ZBTB40: variants seen among roughly 807,000 people sequenced by gnomAD.
ZBTB40 encodes zinc finger and BTB domain containing 40.
ZBTB40 carries 60 observed loss-of-function variants against 117.5 expected under a neutral mutation model. The ratio of observed to expected loss-of-function variants is 0.51; its 90% CI spans 0.41 to 0.63. ZBTB40 has a LOEUF of 0.63. Ranked by LOEUF, ZBTB40 falls within the 30% of genes least tolerant of loss-of-function variation. The probability of loss-of-function intolerance (pLI) is 0.00; values close to 1 mark genes in which losing one functional copy is unlikely to be tolerated. For synonymous variants in ZBTB40, 525 were observed against 577.1 expected (o/e 0.91, Z 1.29); for missense variants, 1,287 against 1,498.5 (o/e 0.86, Z 2.33).
intron 1 of ZBTB40, among the ~76,000 whole-genome samples, chr1:22,489,406 C>T (rs1301457860): frequency 1.3e-5 from 2 of 152,156 alleles, no homozygotes; most frequent in African/African-American, 2.4e-5. Flanking sequence ...TGATGACCTC[C>T]GTCCCTTGTT....
At chr1:22,507,668 CAGG>C (rs1374406454) in intron 6 of ZBTB40, among the ~76,000 whole-genome samples, 2 of 152,342 alleles carry the variant, frequency 1.3e-5, no homozygotes, top group East Asian at 3.9e-4. Context: ...TCCTCTACCT[CAGG>C]CTTGACAAAC....
chr1:22,519,858 C>G (rs1214309540), intron 13 of ZBTB40: 1 of 648,450 alleles, frequency 1.5e-6, no homozygotes, highest in Admixed American at 2.3e-5. Context: ...TGGAGGAATC[C>G]CACCTCCTAG....
chr1:22,521,617 A>G lies in ZBTB40; in HGVS notation c.3170A>G (p.Asn1057Ser), dbSNP rs1255726089. 1 of 1,614,100 alleles carries G rather than the reference A, an allele frequency of 6.2e-7. No homozygotes were observed. The highest frequency in any genetic ancestry group is 1.1e-5 in the South Asian group (1 of 91,084). ...QCSSCDKTFP[N>S]TIEHKKHIKA... ...AGCTCCTGTGACAAAACCTTCCCCAACACCATTGAGCACAAGAAGCACATC... is the reference window on the plus strand; with the variant it reads ...AGCTCCTGTGACAAAACCTTCCCCAGCACCATTGAGCACAAGAAGCACATC... Residue 1057 changes from asparagine to serine, a missense_variant, in exon 15 of 18, where the codon AAC becomes AGC. Physicochemically the swap from Asn to Ser is conservative, Grantham distance 46. Around this residue, in one of 2 missense-constraint regions of ZBTB40, gnomAD observed 417 missense variants for 564.1 expected, o/e 0.74. Transcript: ENST00000375647.
At chr1:22,430,046 C>A (rs1461203595) in intron 1 of ZBTB40, among the ~76,000 whole-genome samples, 1 of 152,186 alleles carries the variant, frequency 6.6e-6, no homozygotes, top group East Asian at 1.9e-4. Context: ...TGATAAAGTT[C>A]TTTTATCTAA....
At chr1:22,519,670 G>T (rs1047187364) in intron 13 of ZBTB40, 1 of 322,938 alleles carries the variant, frequency 3.1e-6, no homozygotes, top group Non-Finnish European at 6.0e-6. Context: ...GATGCTCTGG[G>T]GAGTGTGCTG....
chr1:22,444,415 A>C (rs961156761), intron 1 of ZBTB40, among the ~76,000 whole-genome samples: 2 of 152,122 alleles, frequency 1.3e-5, no homozygotes, highest in Non-Finnish European at 2.9e-5. Context: ...ACTCCGTCTC[A>C]AAATAAAATA....
At chr1:22,493,238 G>C (rs1445285388) in intron 3 of ZBTB40, among the ~76,000 whole-genome samples, 1 of 152,096 alleles carries the variant, frequency 6.6e-6, no homozygotes, top group Non-Finnish European at 1.5e-5. Flanking sequence ...ATCATTATAG[G>C]CTTATGTTAT....
intron 12 of ZBTB40, among the ~76,000 whole-genome samples, chr1:22,514,906 A>G (rs1024847285): frequency 6.6e-6 from 1 of 152,218 alleles, no homozygotes; most frequent in Non-Finnish European, 1.5e-5. Context: ...TGTTTCAGAC[A>G]TGGGGTATTA....
At chr1:22,459,107 T>G (rs944575756) in intron 1 of ZBTB40, among the ~76,000 whole-genome samples, 1 of 152,236 alleles carries the variant, frequency 6.6e-6, no homozygotes, top group Non-Finnish European at 1.5e-5. Context: ...AAAGGATATA[T>G]CATGTCTGTG....
At chr1:22,517,543 A>G (rs1639405850) in intron 13 of ZBTB40, 79 bp downstream of exon 13, 1 of 1,531,622 alleles carries the variant, frequency 6.5e-7, no homozygotes. Flanking sequence ...CAGAGGTGTC[A>G]ATCCATCAGA....
Position 22,511,999 on chromosome 1 carries a change from G to A in ZBTB40, c.2326G>A (p.Asp776Asn). The change falls in exon 11 of 18, where the codon GAT becomes AAT. Residue 776 changes from aspartate (D) to asparagine (N), a missense_variant. Physicochemically the swap from Asp to Asn is conservative, Grantham distance 23. Transcript: ENST00000375647. Reference sequence around the variant, plus strand: ...GTGTAAGGAGTGCAGTGAGACCAAGGATTCAAAGAAAGAGCTGGACAAACA... The same window carrying A: ...GTGTAAGGAGTGCAGTGAGACCAAGAATTCAAAGAAAGAGCTGGACAAACA... ...VQCKECSETK[D>N]SKKELDKHQL... is the part of the protein sequence containing the mutation. 6.2e-7 allele frequency: 1 copy of A among 1,614,188 alleles called. No individual in the cohort carries two copies.
rs755373058 is a variant in ZBTB40, at chr1:22,520,054, A to G, written c.2834-7A>G. 1.2e-6 allele frequency: 2 copies of G among 1,613,798 alleles called. No individual in the cohort carries two copies. Among genetic ancestry groups the G allele is most frequent in the East Asian group, 2.2e-5 (1 of 44,876 alleles). On this transcript the variant is annotated splice_region_variant and splice_polypyrimidine_tract_variant and intron_variant, in intron 13 of 17. Transcript: ENST00000375647. ...CTCTTCCTCTCATGGATGTCCCGTG[A>G]AACTAGACATAGAAGATCCTTATGA...
intron 1 of ZBTB40, among the ~76,000 whole-genome samples, chr1:22,456,496 G>A (rs1318245364): frequency 3.9e-5 from 6 of 152,182 alleles, no homozygotes; most frequent in Non-Finnish European, 5.9e-5. Flanking sequence ...TTGTGTGAAT[G>A]TCATTTTTTC....
At chr1:22,489,813 G>A (rs1461721104) in intron 1 of ZBTB40, 67 bp from the exon 2 acceptor site, 20 of 805,932 alleles carry the variant, frequency 2.5e-5, no homozygotes, top group Admixed American at 3.9e-5. Context: ...TTCATTTAGC[G>A]TTTCATTCAA....
At chr1:22,449,056 C>T (rs557865173), upstream of ZBTB40, among the ~76,000 whole-genome samples, 4 of 152,134 alleles carry the variant, frequency 2.6e-5, no homozygotes, top group South Asian at 4.1e-4. Flanking sequence ...CCTCATGATC[C>T]GCCTGCCTCG....
intron 1 of ZBTB40, among the ~76,000 whole-genome samples, chr1:22,461,057 G>A (rs763061019): frequency 2.6e-5 from 4 of 152,114 alleles, no homozygotes; most frequent in Non-Finnish European, 5.9e-5. Context: ...GTATGATGTC[G>A]TGAACATAGT....
Position 22,490,548 on chromosome 1 carries a change from A to C in ZBTB40, c.600A>C (p.Ala200=). 1 of 1,613,144 alleles carries C rather than the reference A, an allele frequency of 6.2e-7. No homozygotes were observed. The highest frequency in any genetic ancestry group is 8.5e-7 in the Non-Finnish European group (1 of 1,179,538). Residue 200 remains alanine (A), a synonymous_variant, in exon 2 of 18, where the codon GCA becomes GCC. Coordinates refer to ENST00000375647, the MANE Select transcript of ZBTB40 (RefSeq NM_014870.4). ...CAGCCCAGGAGAGCCAGAGGAATGC[A>C]GAAACCCCAGCGGAGACTCCTACTA... ...SPTAQESQRN[A]ETPAETPTTA... is the part of the protein sequence containing the mutation.
chr1:22,526,160 G>A lies in ZBTB40; in HGVS notation c.3526-42G>A, dbSNP rs776598076. On this transcript the variant is annotated intron_variant, in intron 17 of 17. Transcript: ENST00000375647. Reference sequence around the variant, plus strand: ...AACCATGTAAATCAGGGAGCCAACTGTGAACACTGCCCAGAGCAGCCTCAC... The same window carrying A: ...AACCATGTAAATCAGGGAGCCAACTATGAACACTGCCCAGAGCAGCCTCAC... The A allele has an allele frequency of 1.9e-6, 3 of 1,610,652 alleles. No individual in the cohort carries two copies. In the African/African-American group the frequency reaches 4.0e-5, roughly 22 times the overall value.
intron 3 of ZBTB40, among the ~76,000 whole-genome samples, chr1:22,493,887 T>C (rs1638702699): frequency 2.0e-5 from 3 of 151,934 alleles, no homozygotes; most frequent in Admixed American, 2.0e-4. Flanking sequence ...TGCTGAGTTG[T>C]ATGCATTGTG....
Sources: gnomAD v4.1 joint callset for allele counts (sites outside exome capture counted in the v4.1 genomes callset) on GRCh38, gnomAD v4.1.1 for gene constraint, gnomAD v4.1.1 regional missense constraint, MANE v1.5 for transcripts, NCBI Gene and HGNC (gene_info 2026-07-23, HGNC 2026-07-21) for gene names.